Variants in LARP4B observed in about 807,000 individuals in gnomAD.
The protein encoded by LARP4B is La ribonucleoprotein 4B.
LARP4B carries 12 observed loss-of-function variants against 89.8 expected under a neutral mutation model. That is an observed-to-expected ratio of 0.13 (90% CI 0.09 to 0.22). The LOEUF is 0.22. LARP4B is among the 10% of genes least tolerant of loss of function. LARP4B has a pLI of 1.00. For missense variants in LARP4B, 757 were observed against 947.7 expected (o/e 0.80, Z 2.64); for synonymous variants, 367 against 363.3 (o/e 1.01, Z -0.12).
intron 5 of LARP4B, among the ~76,000 whole-genome samples, chr10:863,419 CG>C (rs553064543): frequency 1.3e-5 from 2 of 151,788 alleles, no homozygotes; most frequent in Non-Finnish European, 2.9e-5. Context: ...TTAGTAGAGA[CG>C]GGGTTTTACC....
intron 8 of LARP4B, among the ~76,000 whole-genome samples, chr10:833,268 A>AAAC (rs1220810120): frequency 6.7e-6 from 1 of 149,100 alleles, no homozygotes; most frequent in East Asian, 1.9e-4. Context: ...AAAAAAAAAA[A>AAAC]AAAAAAAAAA....
chr10:815,146 A>C, intron 15 of LARP4B, 76 bp from the exon 16 acceptor site: 3 of 1,478,728 alleles, frequency 2.0e-6, no homozygotes, highest in South Asian at 1.4e-5. Context: ...CGTTCACCCC[A>C]CCCGTGAACA....
intron 1 of LARP4B, among the ~76,000 whole-genome samples, chr10:900,087 TATA>T (rs1455199374): frequency 2.0e-5 from 3 of 152,030 alleles, no homozygotes; most frequent in Admixed American, 2.0e-4. Flanking sequence ...GGCTCACGCC[TATA>T]ATCCCACCAC....
At chr10:896,614 A>G (rs1451119317) in intron 1 of LARP4B, among the ~76,000 whole-genome samples, 1 of 152,230 alleles carries the variant, frequency 6.6e-6, no homozygotes, top group African/African-American at 2.4e-5. Flanking sequence ...TGGGTTTGTT[A>G]TTATTAAAAA....
At chr10:833,978 T>C (rs1023842779) in intron 8 of LARP4B, among the ~76,000 whole-genome samples, 36 of 150,064 alleles carry the variant, frequency 2.4e-4, no homozygotes, top group African/African-American at 8.8e-4. Flanking sequence ...CCACTTTAAA[T>C]ATGAAAACAC....
intron 5 of LARP4B, among the ~76,000 whole-genome samples, chr10:858,838 A>G (rs577881896): frequency 2.0e-5 from 3 of 152,362 alleles, no homozygotes; most frequent in South Asian, 4.1e-4. Flanking sequence ...TATACCCACT[A>G]GAATGACTAC....
intron 6 of LARP4B, among the ~76,000 whole-genome samples, chr10:843,785 T>C (rs1378507844): frequency 2.6e-5 from 4 of 152,060 alleles, no homozygotes; most frequent in Admixed American, 2.6e-4. Context: ...CAGGATAAGG[T>C]CATACCCAAA....
chr10:838,154 C>G (rs1043010070), intron 7 of LARP4B, among the ~76,000 whole-genome samples: 3 of 152,136 alleles, frequency 2.0e-5, no homozygotes, highest in African/African-American at 7.2e-5. Flanking sequence ...CCAAATGGAT[C>G]ATGGACCTAA....
intron 1 of LARP4B, among the ~76,000 whole-genome samples, chr10:907,537 T>A (rs1836526203): frequency 6.6e-6 from 1 of 152,236 alleles, no homozygotes; most frequent in African/African-American, 2.4e-5. Context: ...TGACTAAAAA[T>A]TTTTATTGTA....
intron 1 of LARP4B, among the ~76,000 whole-genome samples, chr10:896,499 A>G (rs1836193725): frequency 6.6e-6 from 1 of 152,246 alleles, no homozygotes; most frequent in South Asian, 2.1e-4. Context: ...GACATTAAAG[A>G]GATTTACAAA....
chr10:820,746 G>T, intron 14 of LARP4B, 54 bp downstream of exon 14: 3 of 1,418,518 alleles, frequency 2.1e-6, no homozygotes, highest in Non-Finnish European at 2.0e-6. Flanking sequence ...TCTCAGGTTT[G>T]GTATAAATTA....
chr10:826,728 G>A (rs1832646061), intron 11 of LARP4B, among the ~76,000 whole-genome samples: 1 of 152,112 alleles, frequency 6.6e-6, no homozygotes, highest in Non-Finnish European at 1.5e-5. Flanking sequence ...CTTAGTTCCT[G>A]AGGGCCTTCC....
chr10:884,781 G>A (rs1835800604), intron 2 of LARP4B, among the ~76,000 whole-genome samples: 1 of 152,044 alleles, frequency 6.6e-6, no homozygotes, highest in South Asian at 2.1e-4. Flanking sequence ...ATTACTGCTT[G>A]ACATAAAATG....
At chr10:948,316 G>A in the LARP4B span, among the ~76,000 whole-genome samples, 5 of 152,264 alleles carry the variant, frequency 3.3e-5, no homozygotes, top group East Asian at 5.8e-4. Context: ...ACCTGATCTC[G>A]GCTCCCTGCA....
In LARP4B at chr10:812,279, C is replaced by A. The variant is rs1831770747; in HGVS notation, c.*647G>T. ...GAGTGAGAAGCTGGTTACTTGCTTG[C>A]AGTGCATCAGAACCAAGGTTTCTGG... On this transcript the variant is annotated 3_prime_UTR_variant, in exon 18 of 18. Coordinates refer to ENST00000316157, the MANE Select transcript of LARP4B (RefSeq NM_015155.3). 1 of 152,660 alleles carries A rather than the reference C, an allele frequency of 6.6e-6. No homozygotes were observed. The highest frequency in any genetic ancestry group is 1.5e-5 in the Non-Finnish European group (1 of 68,042). The allele number at this position is 152,660 out of a possible 1,614,324, so 9.5% of individuals were successfully genotyped here.
At chr10:866,125 C>T (rs556886722) in intron 3 of LARP4B, among the ~76,000 whole-genome samples, 6 of 152,170 alleles carry the variant, frequency 3.9e-5, no homozygotes, top group African/African-American at 1.2e-4. Flanking sequence ...GTTCCTGCTC[C>T]CCCAGTCACT....
At chr10:896,650 C>A (rs1344809195) in intron 1 of LARP4B, among the ~76,000 whole-genome samples, 1 of 152,078 alleles carries the variant, frequency 6.6e-6, no homozygotes, top group Non-Finnish European at 1.5e-5. Flanking sequence ...TTAATTGATT[C>A]TTGATACTTA....
chr10:895,313 T>C (rs946916748), intron 1 of LARP4B, among the ~76,000 whole-genome samples: 12 of 152,144 alleles, frequency 7.9e-5, no homozygotes, highest in African/African-American at 2.9e-4. Flanking sequence ...CATATGCTTA[T>C]TTCTATTTAA....
intron 5 of LARP4B, among the ~76,000 whole-genome samples, chr10:851,026 A>T (rs1196527843): frequency 6.6e-6 from 1 of 152,198 alleles, no homozygotes; most frequent in Non-Finnish European, 1.5e-5. Flanking sequence ...GAAAGGCCTC[A>T]TATTAATGAG....
Sources: gnomAD v4.1 joint callset for allele counts (sites outside exome capture counted in the v4.1 genomes callset) on GRCh38, gnomAD v4.1.1 for gene constraint, MANE v1.5 for transcripts, NCBI Gene and HGNC (gene_info 2026-07-23, HGNC 2026-07-21) for gene names.